Variants in POP4 observed in about 807,000 individuals in gnomAD.
POP4 encodes the protein POP4 ribonuclease P/MRP subunit.
A neutral mutation model predicts 29.9 loss-of-function variants in POP4; 31 were observed. That is an observed-to-expected ratio of 1.04 (90% CI 0.78 to 1.40). The LOEUF is 1.40. POP4 is among the 40% of genes most tolerant of loss of function. The pLI is 0.00. For missense variants in POP4, 286 were observed against 282.7 expected (o/e 1.01, Z -0.08); for synonymous variants, 110 against 108.2 (o/e 1.02, Z -0.10).
At chr19:29,608,455 C>G (rs527539536) in intron 1 of POP4, among the ~76,000 whole-genome samples, 1 of 151,856 alleles carries the variant, frequency 6.6e-6, no homozygotes, top group Middle Eastern at 3.4e-3. Flanking sequence ...TTAGTAGAGA[C>G]GGGGTTTCAC....
In POP4 at chr19:29,606,295, G is replaced by T. The variant is rs772241814; in HGVS notation, c.-24G>T. 3.1e-6 allele frequency: 5 copies of T among 1,601,906 alleles called. No individual in the cohort carries two copies. In the South Asian group the frequency reaches 5.6e-5, roughly 18 times the overall value. On this transcript the variant is annotated 5_prime_UTR_variant, in exon 1 of 7. Coordinates refer to ENST00000585603, the MANE Select transcript of POP4 (RefSeq NM_006627.3). ...GACAGCAGCTGCCAGTGCGTCATCA[G>T]AGAGCGCCGGAAGCGGTCCGAGAAT...
At chr19:29,606,622 G>C (rs1971001216) in intron 1 of POP4, 1 of 348,672 alleles carries the variant, frequency 2.9e-6, no homozygotes, top group Non-Finnish European at 5.1e-6. Flanking sequence ...CTATCTCCCG[G>C]GGTGACCGCG....
At chr19:29,608,262 C>CTTTTCTTTTTTTT (rs1491529433) in intron 1 of POP4, among the ~76,000 whole-genome samples, 1 of 86,578 alleles carries the variant, frequency 1.2e-5, no homozygotes, top group African/African-American at 5.2e-5. Flanking sequence ...CTTTTCTTTT[C>CTTTTCTTTTTTTT]TTTTTTTTTT....
intron 2 of POP4, chr19:29,609,042 G>A (rs1464113267): frequency 4.3e-6 from 1 of 234,784 alleles, no homozygotes; most frequent in Non-Finnish European, 8.3e-6. Context: ...TTCTGCAGAA[G>A]GTGTGCAATC....
intron 1 of POP4, among the ~76,000 whole-genome samples, chr19:29,608,258 T>C (rs1971024134): frequency 7.8e-6 from 1 of 128,054 alleles, no homozygotes; most frequent in Non-Finnish European, 1.6e-5. Flanking sequence ...TTTTCTTTTC[T>C]TTTCTTTTTT....
rs149115361 is a variant in POP4, at chr19:29,611,940, G to A, written c.362+1G>A. The A allele has an allele frequency of 2.2e-5, 35 of 1,613,490 alleles. No individual in the cohort carries two copies. The highest frequency in any genetic ancestry group is 4.4e-5 in the South Asian group (4 of 91,056). ...TGTGCAGTGGGCTCAAGCCAGACAC[G>A]TAAGTTGCATTCCTGAAGCTTTGCT... On this transcript the variant is annotated splice_donor_variant, in intron 4 of 6. Coordinates refer to ENST00000585603, the MANE Select transcript of POP4 (RefSeq NM_006627.3). LOFTEE classifies it high-confidence loss of function.
Position 29,611,936 on chromosome 19 carries a change from A to G in POP4, c.359A>G (p.Asp120Gly), listed in dbSNP as rs1442406188. The change falls in exon 4 of 7, where the codon GAC (aspartate) becomes GGC (glycine). Residue 120 changes from aspartate to glycine, a missense_variant. Physicochemically the swap from Asp to Gly is moderately conservative, Grantham distance 94. Coordinates refer to ENST00000585603, the MANE Select transcript of POP4 (RefSeq NM_006627.3). ...IRDLCSGLKPDTQPQMIQAKL... is the reference protein window; with the variant it reads ...IRDLCSGLKPGTQPQMIQAKL... ...GACCTGTGCAGTGGGCTCAAGCCAGACACGTAAGTTGCATTCCTGAAGCTT... is the reference window on the plus strand; with the variant it reads ...GACCTGTGCAGTGGGCTCAAGCCAGGCACGTAAGTTGCATTCCTGAAGCTT... 6.2e-7 allele frequency: 1 copy of G among 1,613,744 alleles called. No individual in the cohort carries two copies. Among genetic ancestry groups the G allele is most frequent in the Non-Finnish European group, 8.5e-7 (1 of 1,179,734 alleles).
chr19:29,615,069 G>C (rs1464806791), intron 6 of POP4, among the ~76,000 whole-genome samples, 175 bp from the exon 7 acceptor site: 2 of 152,148 alleles, frequency 1.3e-5, no homozygotes, highest in African/African-American at 4.8e-5. Context: ...AGATTGACCT[G>C]TGGCAGAATA....
In POP4 at chr19:29,611,958, G is replaced by A. The variant is rs765003061; in HGVS notation, c.362+19G>A. On this transcript the variant is annotated intron_variant, in intron 4 of 6. Transcript: ENST00000585603. Reference sequence around the variant, plus strand: ...CAGACACGTAAGTTGCATTCCTGAAGCTTTGCTCTTTGGGGTGGATCTCAA... The same window carrying A: ...CAGACACGTAAGTTGCATTCCTGAAACTTTGCTCTTTGGGGTGGATCTCAA... The A allele has an allele frequency of 5.4e-5, 87 of 1,610,924 alleles. No individual in the cohort carries two copies. Among genetic ancestry groups the A allele is most frequent in the Non-Finnish European group, 7.4e-5 (87 of 1,177,198 alleles).
rs907947974 is a variant in POP4 at position 29,611,864 on chromosome 19, A to T, written c.287A>T (p.Tyr96Phe). ...LFDIKPEQQR[Y>F]SLFLPLHELW... ...CCCTGTTTCTGACTTTGCTGCAGATACAGCCTTTTCCTCCCTCTCCATGAA... is the reference window on the plus strand; with the variant it reads ...CCCTGTTTCTGACTTTGCTGCAGATTCAGCCTTTTCCTCCCTCTCCATGAA... Residue 96 changes from tyrosine to phenylalanine, a missense_variant and splice_region_variant, in exon 4 of 7, where the codon TAC (tyrosine) becomes TTC (phenylalanine). Coordinates refer to ENST00000585603, the MANE Select transcript of POP4 (RefSeq NM_006627.3). 5 of 1,614,052 alleles carry T rather than the reference A, an allele frequency of 3.1e-6. No individual in the cohort carries two copies. The highest frequency in any genetic ancestry group is 4.2e-6 in the Non-Finnish European group (5 of 1,179,908).
chr19:29,611,117 G>A lies in POP4; in HGVS notation c.284+485G>A, dbSNP rs573085465. Reference sequence around the variant, plus strand: ...CGACCCGCCATCCCTCCTTGGTGACGGGTCTGAGTGTGGGTGTCTTGGGGC... The same window carrying A: ...CGACCCGCCATCCCTCCTTGGTGACAGGTCTGAGTGTGGGTGTCTTGGGGC... On this transcript the variant is annotated intron_variant, in intron 3 of 6. Transcript: ENST00000585603. 8.6e-5 allele frequency: 14 copies of A among 162,016 alleles called. 1 individual carries two copies. The South Asian group carries it at 2.3e-3, about 26-fold the overall frequency. The allele number at this position is 162,016 out of a possible 1,614,324, so 10.0% of individuals were successfully genotyped here. A position where few individuals can be genotyped will look rare whatever the true frequency, so the allele number is the denominator to read the frequency against.
chr19:29,612,287 T>A, intron 5 of POP4, 109 bp downstream of exon 5: 1 of 1,062,636 alleles, frequency 9.4e-7, no homozygotes, highest in Non-Finnish European at 1.4e-6. Flanking sequence ...CCGTGTGGAT[T>A]CCCTGAGATG....
Position 29,607,699 on chromosome 19 carries a change from G to A in POP4, c.8-958G>A, listed in dbSNP as rs186615022. 3.4e-3 allele frequency among the ~76,000 whole-genome samples: 510 copies of A among 152,204 alleles called. 14 individuals are homozygous for A. The highest frequency in any genetic ancestry group is 6.8e-4 in the Non-Finnish European group (46 of 68,014). On this transcript the variant is annotated intron_variant, in intron 1 of 6. Coordinates refer to ENST00000585603, the MANE Select transcript of POP4 (RefSeq NM_006627.3). ...CAGAAGTGTGGAATTTATTTTAGAG[G>A]TTGAAACTTTATTGACCAATGTATA... is the stretch of plus-strand genomic sequence containing the variant.
chr19:29,610,242 G>C (rs1057505440), intron 2 of POP4, 167 bp from the exon 3 acceptor site: 6 of 619,700 alleles, frequency 9.7e-6, no homozygotes, highest in Non-Finnish European at 1.7e-5. Flanking sequence ...CTCGGCAGCT[G>C]TGGGTAGCAG....
intron 5 of POP4, 72 bp downstream of exon 5, chr19:29,612,250 C>T (rs879229303): frequency 7.2e-6 from 10 of 1,387,494 alleles, no homozygotes; most frequent in Middle Eastern, 1.9e-4. Flanking sequence ...AGACCCAGGG[C>T]GTGTGTTCTG....
intron 5 of POP4, 94 bp from the exon 6 acceptor site, chr19:29,613,777 T>G (rs992650034): frequency 6.6e-7 from 1 of 1,511,128 alleles, no homozygotes; most frequent in African/African-American, 1.4e-5. Context: ...GCTCAGAGGG[T>G]GGGATCAGCA....
At chr19:29,611,518 C>G in intron 3 of POP4, 1 of 240,924 alleles carries the variant, frequency 4.2e-6, no homozygotes, top group East Asian at 1.3e-4. Context: ...CAACCAGCAA[C>G]CCCTGCTTTA....
chr19:29,606,623 G>A, intron 1 of POP4: 1 of 347,514 alleles, frequency 2.9e-6, no homozygotes, highest in Non-Finnish European at 5.2e-6. Context: ...TATCTCCCGG[G>A]GTGACCGCGG....
intron 2 of POP4, among the ~76,000 whole-genome samples, chr19:29,609,645 G>A (rs1350847662): frequency 6.6e-6 from 1 of 152,158 alleles, no homozygotes; most frequent in African/African-American, 2.4e-5. Context: ...TTGTTTGTTT[G>A]TTTGTTTGTT....
Sources: allele counts gnomAD v4.1 joint callset (sites outside exome capture counted in the v4.1 genomes callset), GRCh38; gene constraint gnomAD v4.1.1; transcripts MANE v1.5; gene names NCBI Gene and HGNC (gene_info 2026-07-23, HGNC 2026-07-21).